SEMA5A: variants seen among roughly 807,000 people sequenced by gnomAD.
The protein encoded by SEMA5A is semaphorin 5A, also known as semaphorin-5A.
SEMA5A carries 55 observed loss-of-function variants against 135.5 expected under a neutral mutation model. The observed-to-expected ratio is 0.41, with a 90% CI of 0.33 to 0.51. The LOEUF (loss-of-function observed/expected upper bound fraction) is 0.51. Among genes scored for constraint, SEMA5A ranks in the 20% least tolerant of loss-of-function variants. SEMA5A has a pLI of 0.37. For synonymous variants in SEMA5A, 580 were observed against 546.5 expected (o/e 1.06, Z -0.85); for missense variants, 1,290 against 1,419.9 (o/e 0.91, Z 1.47).
At chr5:9,319,947 T>C (rs1035995948) in intron 4 of SEMA5A, among the ~76,000 whole-genome samples, 11 of 151,964 alleles carry the variant, frequency 7.2e-5, no homozygotes, top group African/African-American at 1.9e-4. Context: ...CTATGAGTTA[T>C]GGACAGAGTT....
At chr5:9,542,108 G>A (rs941235294) in intron 1 of SEMA5A, among the ~76,000 whole-genome samples, 4 of 151,670 alleles carry the variant, frequency 2.6e-5, no homozygotes, top group African/African-American at 9.7e-5. Context: ...TGTATATCTG[G>A]ATAACCAATT....
chr5:9,258,655 A>G (rs1038201837), intron 5 of SEMA5A, among the ~76,000 whole-genome samples: 1 of 152,124 alleles, frequency 6.6e-6, no homozygotes, highest in Non-Finnish European at 1.5e-5. Context: ...CTTGCTGGAT[A>G]TAATAAAAAT....
chr5:9,080,945 G>C (rs1213561736), intron 16 of SEMA5A, among the ~76,000 whole-genome samples: 1 of 152,176 alleles, frequency 6.6e-6, no homozygotes, highest in Non-Finnish European at 1.5e-5. Context: ...GGTGGGTCCT[G>C]TGAAGATGAT....
At chr5:9,334,527 C>T (rs1235947742) in intron 4 of SEMA5A, among the ~76,000 whole-genome samples, 1 of 152,206 alleles carries the variant, frequency 6.6e-6, no homozygotes, top group African/African-American at 2.4e-5. Context: ...GGGCTGCGCG[C>T]TCACCAGCCT....
chr5:9,180,120 C>T (rs1579553090), intron 11 of SEMA5A, among the ~76,000 whole-genome samples: 1 of 152,186 alleles, frequency 6.6e-6, no homozygotes, highest in Admixed American at 6.5e-5. Context: ...TCTCATCTTA[C>T]AAGCACACCA....
intron 16 of SEMA5A, among the ~76,000 whole-genome samples, chr5:9,085,889 C>T (rs1021742428): frequency 1.3e-5 from 2 of 152,208 alleles, no homozygotes; most frequent in African/African-American, 4.8e-5. Context: ...TGCAAAGCCA[C>T]AGAGTTGGAG....
chr5:9,155,094 C>T (rs956604141), intron 11 of SEMA5A, among the ~76,000 whole-genome samples: 4 of 152,144 alleles, frequency 2.6e-5, no homozygotes, highest in African/African-American at 9.7e-5. Context: ...TGGTGCCCAG[C>T]AGGGCAAGGA....
At chr5:9,122,516 A>C (rs925405342) in intron 14 of SEMA5A, 140 bp downstream of exon 14, 6 of 831,074 alleles carry the variant, frequency 7.2e-6, no homozygotes, top group East Asian at 3.2e-5. Flanking sequence ...AAAATCATGT[A>C]AGTTTTAAAT....
At chr5:9,053,992 TTACCA>T in intron 19 of SEMA5A, 90 bp downstream of exon 19, 1 of 1,419,002 alleles carries the variant, frequency 7.0e-7, no homozygotes, top group South Asian at 1.4e-5. Context: ...CTTTCAGTAC[TTACCA>T]TGATGCAGTA....
chr5:9,445,268 C>T (rs1758389417), intron 1 of SEMA5A, among the ~76,000 whole-genome samples: 2 of 151,918 alleles, frequency 1.3e-5, no homozygotes, highest in African/African-American at 2.4e-5. Flanking sequence ...AAATCAGAAA[C>T]AATCTCATTA....
At chr5:9,170,854 A>G (rs961026947) in intron 11 of SEMA5A, among the ~76,000 whole-genome samples, 19 of 152,170 alleles carry the variant, frequency 1.2e-4, no homozygotes, top group African/African-American at 4.3e-4. Context: ...CCTTTCATTC[A>G]CCAACAGTCC....
At chr5:9,111,930 T>C (rs1740264600) in intron 15 of SEMA5A, among the ~76,000 whole-genome samples, 3 of 147,798 alleles carry the variant, frequency 2.0e-5, no homozygotes, top group Admixed American at 6.8e-5. Flanking sequence ...TCAGTTACTT[T>C]GGTATCTGCT....
chr5:9,135,534 T>C (rs1560950009), intron 13 of SEMA5A, among the ~76,000 whole-genome samples: 1 of 152,036 alleles, frequency 6.6e-6, no homozygotes, highest in South Asian at 2.1e-4. Flanking sequence ...GTGGTTGAGA[T>C]AACAGAAAGG....
chr5:9,368,627 A>T (rs1006775477), intron 3 of SEMA5A, among the ~76,000 whole-genome samples: 1 of 152,208 alleles, frequency 6.6e-6, no homozygotes, highest in Admixed American at 6.5e-5. Context: ...CTTCCACAGA[A>T]TGTCACATAA....
intron 1 of SEMA5A, among the ~76,000 whole-genome samples, chr5:9,443,980 C>G (rs867483575): frequency 6.6e-6 from 1 of 152,240 alleles, no homozygotes; most frequent in Admixed American, 6.5e-5. Flanking sequence ...CACCCCTTCT[C>G]TCCTCTACAG....
intron 8 of SEMA5A, among the ~76,000 whole-genome samples, chr5:9,218,869 A>G (rs888510626): frequency 1.3e-5 from 2 of 152,258 alleles, no homozygotes; most frequent in Admixed American, 1.3e-4. Flanking sequence ...TCACTCATTT[A>G]TTCAGTCAAC....
At chr5:9,060,152 A>T (rs1021918941) in intron 18 of SEMA5A, among the ~76,000 whole-genome samples, 4 of 152,186 alleles carry the variant, frequency 2.6e-5, no homozygotes, top group African/African-American at 9.7e-5. Context: ...GTGCAAGGTG[A>T]CATGGGCCAC....
chr5:9,301,975 G>A (rs534284083), intron 5 of SEMA5A, among the ~76,000 whole-genome samples: 9 of 151,966 alleles, frequency 5.9e-5, no homozygotes, highest in South Asian at 2.1e-4. Context: ...AGAATCCATC[G>A]CCCCTTGCAG....
At chr5:9,407,316 T>A (rs1756925605) in intron 2 of SEMA5A, among the ~76,000 whole-genome samples, 1 of 152,246 alleles carries the variant, frequency 6.6e-6, no homozygotes, top group South Asian at 2.1e-4. Context: ...ACTGTGCTAA[T>A]ACGATCTTAC....
Sources: gnomAD v4.1 joint callset for allele counts (sites outside exome capture counted in the v4.1 genomes callset) on GRCh38, gnomAD v4.1.1 for gene constraint, MANE v1.5 for transcripts, NCBI Gene and HGNC (gene_info 2026-07-23, HGNC 2026-07-21) for gene names.